Variants in HAGH observed in about 807,000 individuals in gnomAD.
The protein encoded by HAGH is hydroxyacylglutathione hydrolase.
HAGH carries 29 observed loss-of-function variants against 35.1 expected under a neutral mutation model. The ratio of observed to expected loss-of-function variants is 0.83; its 90% confidence interval spans 0.62 to 1.13. The LOEUF is 1.13. Among genes scored for constraint, HAGH ranks in the 50% most tolerant of loss-of-function variants. The pLI is 0.00. For synonymous variants in HAGH, 225 were observed against 176.1 expected (o/e 1.28, Z -2.20); for missense variants, 478 against 419.6 (o/e 1.14, Z -1.22).
intron 5 of HAGH, chr16:1,818,821 G>T: frequency 2.5e-6 from 1 of 398,284 alleles, no homozygotes; most frequent in East Asian, 5.0e-5. Context: ...GCCACCCCTC[G>T]CCCTGCTGGA....
chr16:1,824,964 C>G (rs1295542438), intron 1 of HAGH, among the ~76,000 whole-genome samples: 1 of 152,182 alleles, frequency 6.6e-6, no homozygotes, highest in Non-Finnish European at 1.5e-5. Flanking sequence ...TGACAGGATT[C>G]CGAGTGCCGG....
chr16:1,820,086 CTGCTGAGCTGAGGGGCTGCCT>C, intron 3 of HAGH, 72 bp from the exon 4 acceptor site: 2 of 796,230 alleles, frequency 2.5e-6, no homozygotes, highest in Non-Finnish European at 4.4e-6. Context: ...AGGGGGCTGC[CTGCTGAGCTGAGGGGCTGCCT>C]GCTGCTCTTA....
At chr16:1,826,684 C>A in intron 1 of HAGH, 28 bp downstream of exon 1, 1 of 998,910 alleles carries the variant, frequency 1.0e-6, no homozygotes, top group South Asian at 4.5e-5. Context: ...CCCGCGTCCC[C>A]CGGCCCGCAC....
In HAGH at chr16:1,822,288, C is replaced by T. The variant is rs376741120; in HGVS notation, c.314+12G>A. ...CCAGGTCCCACACCCCCAGGTGAGACGCGGCACTTACCAGTGGTGGTGGGT... is the reference window on the plus strand; with the variant it reads ...CCAGGTCCCACACCCCCAGGTGAGATGCGGCACTTACCAGTGGTGGTGGGT... On this transcript the variant is annotated intron_variant, in intron 3 of 8. Transcript: ENST00000397356. 5.2e-5 allele frequency: 82 copies of T among 1,589,390 alleles called. No homozygotes were observed. The highest frequency in any genetic ancestry group is 4.3e-4 in the African/African-American group (32 of 74,464).
chr16:1,822,295 C>T lies in HAGH; in HGVS notation c.314+5G>A, dbSNP rs1452184398. ...CCACACCCCCAGGTGAGACGCGGCA[C>T]TTACCAGTGGTGGTGGGTGGTGAGC... is the stretch of plus-strand genomic sequence containing the variant. On this transcript the variant is annotated splice_donor_5th_base_variant and intron_variant, in intron 3 of 8. Transcript: ENST00000397356. 1.2e-6 allele frequency: 2 copies of T among 1,602,814 alleles called. No homozygotes were observed. The highest frequency in any genetic ancestry group is 1.7e-6 in the Non-Finnish European group (2 of 1,170,570).
At chr16:1,819,782 T>G in intron 4 of HAGH, 115 bp downstream of exon 4, 1 of 737,264 alleles carries the variant, frequency 1.4e-6, no homozygotes, top group South Asian at 1.4e-5. Context: ...AGAGGACCAC[T>G]GAGAGCACTC....
Position 1,809,246 on chromosome 16 carries a change from G to A in HAGH, c.*37C>T, listed in dbSNP as rs942241987. On this transcript the variant is annotated 3_prime_UTR_variant, in exon 9 of 9. Coordinates refer to ENST00000397356, the MANE Select transcript of HAGH (RefSeq NM_005326.6). ...GCAGGAAAGCCAGTTACCTAAAAGAGCCTAATCCCCAAATCCGCTGAAGGT... is the reference window on the plus strand; with the variant it reads ...GCAGGAAAGCCAGTTACCTAAAAGAACCTAATCCCCAAATCCGCTGAAGGT... The A allele has an allele frequency of 2.8e-6, 4 of 1,410,750 alleles. No individual in the cohort carries two copies. Among genetic ancestry groups the A allele is most frequent in the Non-Finnish European group, 4.0e-6 (4 of 1,008,960 alleles). 87.4% of individuals were successfully genotyped at this position (1,410,750 alleles called of 1,614,324 possible). A position where few individuals can be genotyped will look rare whatever the true frequency, so the allele number is the denominator to read the frequency against.
At chr16:1,824,692 G>A (rs1298982084) in intron 1 of HAGH, among the ~76,000 whole-genome samples, 2 of 152,072 alleles carry the variant, frequency 1.3e-5, no homozygotes, top group Non-Finnish European at 2.9e-5. Context: ...ACCGAAATGC[G>A]GAATCCGACC....
intron 7 of HAGH, among the ~76,000 whole-genome samples, chr16:1,813,032 C>G (rs1203396611): frequency 6.6e-6 from 1 of 152,208 alleles, no homozygotes; most frequent in African/African-American, 2.4e-5. Flanking sequence ...CCGGCCACTC[C>G]CTTCTCCTGG....
chr16:1,815,932 ATTTTTTTTTTTTT>A (rs61101799), intron 7 of HAGH, among the ~76,000 whole-genome samples: 1 of 102,216 alleles, frequency 9.8e-6, no homozygotes, highest in Non-Finnish European at 1.9e-5. Context: ...GGCAGGGAGA[ATTTTTTTTTTTTT>A]TTTTTTTTTT....
At chr16:1,827,007 C>G (rs1274657300), upstream of HAGH, 4 of 661,238 alleles carry the variant, frequency 6.0e-6, no homozygotes, top group South Asian at 2.7e-5. Context: ...GGCGGCGGCC[C>G]GAGAGCTGCG....
At position 1,819,170 on chromosome 16, in the gene HAGH, G is replaced by A; in HGVS notation, c.486C>T (p.His162=). The change falls in exon 5 of 9, where the codon CAC becomes CAT. Residue 162 remains histidine, a synonymous_variant. Transcript: ENST00000397356. ...CLATPCHTSG[H]ICYFVSKPGG... ...CGGGCTTGCTCACGAAGTAACAAAT[G>A]TGTCCTGAAGTGTGGCACGGGGTCG... 3 of 1,613,310 alleles carry A rather than the reference G, an allele frequency of 1.9e-6. No individual in the cohort carries two copies. Among genetic ancestry groups the A allele is most frequent in the Admixed American group, 1.7e-5 (1 of 59,998 alleles).
chr16:1,815,479 G>A (rs144746349), intron 7 of HAGH, among the ~76,000 whole-genome samples: 4 of 152,322 alleles, frequency 2.6e-5, no homozygotes, highest in Non-Finnish European at 4.4e-5. Flanking sequence ...AGCAAAGAGC[G>A]TGGCTGACCC....
Position 1,809,191 on chromosome 16 carries a change from A to T in HAGH, c.*92T>A. 1 of 827,718 alleles carries T rather than the reference A, an allele frequency of 1.2e-6. No individual in the cohort carries two copies. Among genetic ancestry groups the T allele is most frequent in the Non-Finnish European group, 2.0e-6 (1 of 504,624 alleles). 51.3% of individuals were successfully genotyped at this position (827,718 alleles called of 1,614,324 possible). A position where few individuals can be genotyped will look rare whatever the true frequency, so the allele number is the denominator to read the frequency against. On this transcript the variant is annotated 3_prime_UTR_variant, in exon 9 of 9. Coordinates refer to ENST00000397356, the MANE Select transcript of HAGH (RefSeq NM_005326.6). The stretch of plus-strand genomic sequence containing the variant: ...AGCCAAGGGCTGTAAAATTAAGGTT[A>T]AATCAAGACTGAATTTCCCGCACGG...
At chr16:1,815,847 T>C (rs775212756) in intron 7 of HAGH, among the ~76,000 whole-genome samples, 14 of 151,536 alleles carry the variant, frequency 9.2e-5, no homozygotes, top group Non-Finnish European at 1.9e-4. Context: ...GGCAAAACCC[T>C]ATCTCTACTA....
At chr16:1,827,042 C>A, upstream of HAGH, 1 of 806,072 alleles carries the variant, frequency 1.2e-6, no homozygotes, top group East Asian at 2.9e-5. Flanking sequence ...CCGCGAGCCT[C>A]CGCCTCTTTT....
intron 7 of HAGH, among the ~76,000 whole-genome samples, chr16:1,814,762 G>A (rs1157088743): frequency 2.0e-5 from 3 of 151,950 alleles, no homozygotes; most frequent in Admixed American, 6.6e-5. Flanking sequence ...GCTGGGCGTG[G>A]TGACGGGCAC....
chr16:1,811,384 A>G (rs1567251636), intron 7 of HAGH, among the ~76,000 whole-genome samples: 1 of 151,976 alleles, frequency 6.6e-6, no homozygotes, highest in Non-Finnish European at 1.5e-5. Flanking sequence ...ACTGCACTCC[A>G]GCCTGGGCAG....
intron 7 of HAGH, chr16:1,810,164 A>AAG (rs34684300): frequency 0.74 from 211,599 of 284,982 alleles, 79,400 homozygotes; most frequent in Middle Eastern, 0.79. Flanking sequence ...CGTCTCAAAA[A>AAG]ATGCTTCAGA....
Sources: allele counts gnomAD v4.1 joint callset (sites outside exome capture counted in the v4.1 genomes callset), GRCh38; gene constraint gnomAD v4.1.1; transcripts MANE v1.5; gene names NCBI Gene and HGNC (gene_info 2026-07-23, HGNC 2026-07-21).